Variants in TNRC6C observed in about 807,000 individuals in gnomAD.
TNRC6C encodes trinucleotide repeat containing adaptor 6C.
TNRC6C carries 20 observed loss-of-function variants against 153.7 expected under a neutral mutation model. The observed-to-expected ratio is 0.13, with a 90% confidence interval of 0.09 to 0.19. The LOEUF is 0.19. Ranked by LOEUF, TNRC6C falls within the 10% of genes least tolerant of loss-of-function variation. The pLI is 1.00. For synonymous variants in TNRC6C, 811 were observed against 841.4 expected (o/e 0.96, Z 0.63); for missense variants, 1,987 against 2,172.0 (o/e 0.91, Z 1.69).
At chr17:77,973,096 G>A (rs1159460304) in intron 1 of TNRC6C, among the ~76,000 whole-genome samples, 3 of 152,156 alleles carry the variant, frequency 2.0e-5, no homozygotes, top group East Asian at 3.9e-4. Flanking sequence ...TAGTAAAGAC[G>A]GGGTTTCACT....
At chr17:78,067,096 A>G (rs559425552) in intron 4 of TNRC6C, 4 of 152,314 alleles carry the variant, frequency 2.6e-5, no homozygotes, top group African/African-American at 9.6e-5. Context: ...TAATCCCAAC[A>G]CTTTGGGATG....
At chr17:78,088,665 T>G (rs2073341101) in intron 13 of TNRC6C, among the ~76,000 whole-genome samples, 1 of 151,254 alleles carries the variant, frequency 6.6e-6, no homozygotes, top group Non-Finnish European at 1.5e-5. Context: ...AGTGGCGTGA[T>G]CATAGCTCAT....
At chr17:78,004,303 A>G (rs1435147067), upstream of TNRC6C, 1 of 1,231,572 alleles carries the variant, frequency 8.1e-7, no homozygotes, top group Non-Finnish European at 1.0e-6. Context: ...TTGTCTTTGT[A>G]TCATTGTGTG....
At chr17:78,037,824 TC>T (rs1413040273) in intron 2 of TNRC6C, among the ~76,000 whole-genome samples, 1 of 152,172 alleles carries the variant, frequency 6.6e-6, no homozygotes, top group Non-Finnish European at 1.5e-5. Context: ...ATTCCAAACT[TC>T]ATCTAGAAGA....
intron 1 of TNRC6C, among the ~76,000 whole-genome samples, chr17:77,969,899 T>C (rs2070927357): frequency 1.3e-5 from 2 of 152,142 alleles, no homozygotes; most frequent in Admixed American, 1.3e-4. Flanking sequence ...AGAAGACAGT[T>C]CTGAAAAAAA....
upstream of TNRC6C, among the ~76,000 whole-genome samples, chr17:78,000,858 A>G (rs144446465): frequency 5.9e-5 from 9 of 152,272 alleles, no homozygotes; most frequent in African/African-American, 1.9e-4. Context: ...AAGACTGGTA[A>G]TTTGTAACAT....
intron 8 of TNRC6C, 169 bp from the exon 11 acceptor site, chr17:78,077,016 T>C (rs1306358048): frequency 2.8e-6 from 2 of 709,672 alleles, no homozygotes; most frequent in East Asian, 5.7e-5. Context: ...CTATTTCTTT[T>C]TCTTTTTCCC....
At chr17:78,051,416 C>T (rs1463741357) in exon 3 of TNRC6C, 3 of 1,544,800 alleles carry the variant, frequency 1.9e-6, no homozygotes, top group Non-Finnish European at 2.6e-6. Context: ...CAGGCCGGTA[C>T]TCAGCTGAAT....
At chr17:78,097,917 A>G in intron 16 of TNRC6C, 56 bp downstream of exon 19, 1 of 1,351,642 alleles carries the variant, frequency 7.4e-7, no homozygotes, top group South Asian at 1.4e-5. Context: ...TCCCAAACAA[A>G]ACTTTGACAG....
chr17:78,039,315 C>CG (rs1567929217), intron 2 of TNRC6C, among the ~76,000 whole-genome samples: 2 of 147,556 alleles, frequency 1.4e-5, no homozygotes, highest in African/African-American at 5.2e-5. Context: ...TCTTGCCCCC[C>CG]CCCCCCACTC....
At chr17:78,010,813 AT>A (rs1456408897) in intron 1 of TNRC6C, among the ~76,000 whole-genome samples, 12 of 152,238 alleles carry the variant, frequency 7.9e-5, no homozygotes, top group East Asian at 3.8e-4. Context: ...AACAAAAAAA[AT>A]ATTAAGATGA....
rs554054511 is a variant in TNRC6C at position 78,011,800 on chromosome 17, A to G, written c.-546+6721A>G. Among the ~76,000 whole-genome samples, 310 of 152,378 alleles carry G rather than the reference A, an allele frequency of 2.0e-3. 3 individuals are homozygous for G. Among genetic ancestry groups the G allele is most frequent in the African/African-American group, 6.8e-3 (282 of 41,594 alleles). Reference sequence around the variant, plus strand: ...TGTTTATACTGTTTCACAGTTCTGCATCTTCACCAATGTGTGGTATGGTCA... The same window carrying G: ...TGTTTATACTGTTTCACAGTTCTGCGTCTTCACCAATGTGTGGTATGGTCA... On this transcript the variant is annotated intron_variant, in intron 1 of 19. Transcript: ENST00000301624.
rs146164275 is a variant in TNRC6C, at chr17:78,009,877, A to G, written c.-546+4798A>G. Reference sequence around the variant, plus strand: ...CTGAATTATGATTTTTAAGTCATATACATCTGAATTTATACTTTTTTTGAG... The same window carrying G: ...CTGAATTATGATTTTTAAGTCATATGCATCTGAATTTATACTTTTTTTGAG... On this transcript the variant is annotated intron_variant, in intron 1 of 19. Coordinates refer to ENST00000301624, the Ensembl canonical transcript of TNRC6C. Among the ~76,000 whole-genome samples, 986 of 149,948 alleles carry G rather than the reference A, an allele frequency of 6.6e-3. 3 individuals carry two copies. The highest frequency in any genetic ancestry group is 0.01 in the Non-Finnish European group (696 of 67,568).
At chr17:77,971,138 GTCTA>G (rs973129736) in intron 1 of TNRC6C, among the ~76,000 whole-genome samples, 7 of 152,182 alleles carry the variant, frequency 4.6e-5, no homozygotes, top group East Asian at 1.9e-4. Flanking sequence ...ATTGTAAAAT[GTCTA>G]TCTGAGACCC....
At chr17:77,973,022 C>T (rs1262619415) in intron 1 of TNRC6C, among the ~76,000 whole-genome samples, 2 of 152,244 alleles carry the variant, frequency 1.3e-5, no homozygotes, top group African/African-American at 2.4e-5. Flanking sequence ...TCTCCTGCCT[C>T]AGCCTCCTGC....
At chr17:78,056,486 CAG>C (rs2072657384) in intron 3 of TNRC6C, among the ~76,000 whole-genome samples, 1 of 147,860 alleles carries the variant, frequency 6.8e-6, no homozygotes, top group Admixed American at 6.8e-5. Flanking sequence ...TTTTTTGAGA[CAG>C]AGTCTTGCTC....
chr17:77,961,675 C>G (rs1327000319), intron 1 of TNRC6C, among the ~76,000 whole-genome samples: 1 of 151,968 alleles, frequency 6.6e-6, no homozygotes, highest in Non-Finnish European at 1.5e-5. Context: ...AACATCATTT[C>G]GAAACAGGTT....
At chr17:78,051,288 A>G in exon 3 of TNRC6C, 5 of 1,552,268 alleles carry the variant, frequency 3.2e-6, no homozygotes, top group Non-Finnish European at 3.5e-6. Flanking sequence ...ATAAAACTGT[A>G]AACATGTGGG....
At chr17:77,976,691 C>T (rs970950699) in intron 1 of TNRC6C, among the ~76,000 whole-genome samples, 8 of 151,926 alleles carry the variant, frequency 5.3e-5, no homozygotes, top group African/African-American at 1.2e-4. Flanking sequence ...CACTTTGGGA[C>T]GCCAAGGCAG....
Sources: gnomAD v4.1 joint callset for allele counts (sites outside exome capture counted in the v4.1 genomes callset) on GRCh38, gnomAD v4.1.1 for gene constraint, MANE v1.5 for transcripts, NCBI Gene and HGNC (gene_info 2026-07-23, HGNC 2026-07-21) for gene names.